ATP8A2: variants seen among roughly 807,000 people sequenced by gnomAD.
The protein encoded by ATP8A2 is phospholipid-transporting ATPase IB.
ATP8A2 carries 100 observed loss-of-function variants against 165.6 expected under a neutral mutation model. The observed-to-expected ratio is 0.60, with a 90% CI of 0.51 to 0.71. The LOEUF (loss-of-function observed/expected upper bound fraction) is 0.71, where lower values mean the gene tolerates loss of function less well. Among genes scored for constraint, ATP8A2 ranks in the 30% least tolerant of loss-of-function variants. The probability of loss-of-function intolerance (pLI) is 0.00; values close to 1 mark genes in which losing one functional copy is unlikely to be tolerated. For synonymous variants in ATP8A2, 543 were observed against 548.8 expected (o/e 0.99, Z 0.15); for missense variants, 1,227 against 1,479.5 (o/e 0.83, Z 2.80).
intron 1 of ATP8A2, among the ~76,000 whole-genome samples, chr13:25,436,512 TG>T (rs2138179170): frequency 6.6e-6 from 1 of 152,308 alleles, no homozygotes; most frequent in East Asian, 1.9e-4. Flanking sequence ...AGGCCACCAC[TG>T]ATGGGCATTT....
intron 33 of ATP8A2, among the ~76,000 whole-genome samples, chr13:25,957,709 A>T (rs983968518): frequency 1.3e-5 from 2 of 152,222 alleles, no homozygotes; most frequent in African/African-American, 2.4e-5. Context: ...CAGTGTGGTG[A>T]TTCCTCAGGG....
intron 1 of ATP8A2, among the ~76,000 whole-genome samples, chr13:25,416,857 C>T (rs1056494952): frequency 6.6e-6 from 1 of 152,170 alleles, no homozygotes; most frequent in Non-Finnish European, 1.5e-5. Flanking sequence ...CATAAAGCAA[C>T]TTCTTTTCAG....
At chr13:25,842,113 G>A (rs1425589042) in intron 30 of ATP8A2, among the ~76,000 whole-genome samples, 1 of 152,286 alleles carries the variant, frequency 6.6e-6, no homozygotes, top group East Asian at 1.9e-4. Flanking sequence ...CCAGTACAAG[G>A]TAAAAAATAG....
In ATP8A2 at chr13:26,021,036, A is replaced by G. The variant is rs1004478431; in HGVS notation, c.*1051A>G. The G allele has an allele frequency of 3.3e-5, 5 of 152,268 alleles. No individual in the cohort carries two copies. Among genetic ancestry groups the G allele is most frequent in the East Asian group, 1.9e-4 (1 of 5,204 alleles). The allele number at this position is 152,268 out of a possible 1,614,324, so 9.4% of individuals were successfully genotyped here. A position where few individuals can be genotyped will look rare whatever the true frequency, so the allele number is the denominator to read the frequency against. On this transcript the variant is annotated 3_prime_UTR_variant, in exon 37 of 37. Transcript: ENST00000381655. ...AGAACCCACGTTTGTTTCAGAGCAC[A>G]TTTTGGACTTTCACTGTTGGGAAAT...
chr13:25,799,666 G>A (rs974738303), intron 27 of ATP8A2, among the ~76,000 whole-genome samples: 1 of 152,192 alleles, frequency 6.6e-6, no homozygotes, highest in Admixed American at 6.5e-5. Context: ...GTCCCTGAGT[G>A]TATTTAGATG....
intron 30 of ATP8A2, among the ~76,000 whole-genome samples, chr13:25,852,304 G>A (rs974239919): frequency 1.3e-5 from 2 of 152,148 alleles, no homozygotes; most frequent in Admixed American, 1.3e-4. Flanking sequence ...ATGCTACCAA[G>A]CAGTCTGCGA....
rs374397075 is a variant in ATP8A2 at position 25,953,522 on chromosome 13, T to TAAAAAAAAAAAAAAAAAAAAAAAAA, written c.3184-8029_3184-8028insAAAAAAAAAAAAAAAAAAAAAAAAA. ...GTAGCCCTGGTTACTCCAGCCTTTT[T>TAAAAAAAAAAAAAAAAAAAAAAAAA]AAAAAAAAAAAAAAAAAAAAAAAAG... On this transcript the variant is annotated intron_variant, in intron 33 of 36. Coordinates refer to ENST00000381655, the MANE Select transcript of ATP8A2 (RefSeq NM_016529.6). The surrounding 1 kb of genome is among the most constrained non-coding windows in gnomAD (Gnocchi z 6.7). 1.1e-5 allele frequency among the ~76,000 whole-genome samples: 1 copy of TAAAAAAAAAAAAAAAAAAAAAAAAA among 94,960 alleles called. No homozygotes were observed. The highest frequency in any genetic ancestry group is 4.3e-5 in the African/African-American group (1 of 23,330). 62.3% of individuals were successfully genotyped at this position (94,960 alleles called of 152,430 possible). A position where few individuals can be genotyped will look rare whatever the true frequency, so the allele number is the denominator to read the frequency against.
At chr13:25,930,745 T>C (rs1247721206) in intron 33 of ATP8A2, among the ~76,000 whole-genome samples, 1 of 151,998 alleles carries the variant, frequency 6.6e-6, no homozygotes, top group East Asian at 1.9e-4. Flanking sequence ...TATTTTTTGG[T>C]TGGATAACAA....
At chr13:25,448,696 C>T (rs1238021984) in intron 1 of ATP8A2, among the ~76,000 whole-genome samples, 1 of 152,178 alleles carries the variant, frequency 6.6e-6, no homozygotes, top group African/African-American at 2.4e-5. Context: ...GTTACCCAGG[C>T]TGGAGTGCAG....
At chr13:25,881,927 A>G (rs150118376) in intron 33 of ATP8A2, among the ~76,000 whole-genome samples, 55 of 152,328 alleles carry the variant, frequency 3.6e-4, no homozygotes, top group African/African-American at 1.3e-3. Context: ...CCATGCCACC[A>G]GAGTGCCTGA....
intron 33 of ATP8A2, among the ~76,000 whole-genome samples, chr13:25,901,408 GA>G (rs796840011): frequency 0.016 from 2,197 of 136,242 alleles, 33 homozygotes; most frequent in African/African-American, 0.047. Context: ...TTATGTGAAA[GA>G]AAAAAAAAAA....
chr13:26,003,562 G>A (rs1956678129), intron 35 of ATP8A2, among the ~76,000 whole-genome samples: 2 of 152,020 alleles, frequency 1.3e-5, no homozygotes, highest in Non-Finnish European at 2.9e-5. Context: ...TGCTTTTGCT[G>A]CCTGTGCTTT....
chr13:25,779,860 T>C (rs1010403558), intron 27 of ATP8A2, among the ~76,000 whole-genome samples: 1 of 152,238 alleles, frequency 6.6e-6, no homozygotes, highest in Non-Finnish European at 1.5e-5. Flanking sequence ...CTATAAATTT[T>C]TGAAGTCTTG....
rs145625503 is a variant in ATP8A2, at chr13:25,499,394, C to G, written c.221+30273C>G. ...AGAACATGAGATTTGGAGCCAGACG[C>G]ACTTGGCCCTGATAACACAGACACC... is the stretch of plus-strand genomic sequence containing the variant. On this transcript the variant is annotated intron_variant, in intron 2 of 36. Coordinates refer to ENST00000381655, the MANE Select transcript of ATP8A2 (RefSeq NM_016529.6). Among the ~76,000 whole-genome samples the G allele has an allele frequency of 8.0e-4, 122 of 152,324 alleles. 1 individual carries two copies. The highest frequency in any genetic ancestry group is 2.9e-3 in the African/African-American group (120 of 41,566).
intron 25 of ATP8A2, among the ~76,000 whole-genome samples, chr13:25,727,968 ACCCTACT>A (rs1488832795): frequency 6.6e-6 from 1 of 151,988 alleles, no homozygotes; most frequent in Admixed American, 6.6e-5. Flanking sequence ...TAGTCACGTG[ACCCTACT>A]CACCTGTGCA....
At chr13:25,510,194 CACACACACACACACACACACACACACAG>C (rs1307691637) in intron 2 of ATP8A2, among the ~76,000 whole-genome samples, 4 of 114,636 alleles carry the variant, frequency 3.5e-5, no homozygotes, top group Admixed American at 2.5e-4. Context: ...CACACACACA[CACACACACACACACACACACACACACAG>C]AGAATGTTGA....
At chr13:25,931,820 G>A (rs529694789) in intron 33 of ATP8A2, among the ~76,000 whole-genome samples, 1 of 152,188 alleles carries the variant, frequency 6.6e-6, no homozygotes, top group East Asian at 1.9e-4. Context: ...GCCGAGGCGG[G>A]CGTTTCACCT....
At chr13:25,727,016 G>A (rs768002318) in intron 25 of ATP8A2, among the ~76,000 whole-genome samples, 2 of 152,126 alleles carry the variant, frequency 1.3e-5, no homozygotes, top group Non-Finnish European at 2.9e-5. Flanking sequence ...TTTCCGTGTA[G>A]TACCTGGTGT....
At chr13:25,958,067 G>A (rs186183416) in intron 33 of ATP8A2, among the ~76,000 whole-genome samples, 152 of 152,156 alleles carry the variant, frequency 1.0e-3, no homozygotes, top group African/African-American at 3.6e-3. Flanking sequence ...TCACTCATGA[G>A]TGAGAGTTGA....
Sources: gnomAD v4.1 joint callset for allele counts (sites outside exome capture counted in the v4.1 genomes callset) on GRCh38, gnomAD v4.1.1 for gene constraint, Gnocchi (gnomAD v3.1) non-coding constraint, MANE v1.5 for transcripts, NCBI Gene and HGNC (gene_info 2026-07-23, HGNC 2026-07-21) for gene names.